Variants in GPC6 observed in about 807,000 individuals in gnomAD.
GPC6 encodes glypican-6.
In GPC6, 14 loss-of-function variants were observed where a neutral mutation model predicts 55.2. That is an observed-to-expected ratio of 0.25 (90% confidence interval 0.17 to 0.40). The LOEUF (loss-of-function observed/expected upper bound fraction) is 0.40. Among genes scored for constraint, GPC6 ranks in the 10% least tolerant of loss-of-function variants. GPC6 has a pLI of 1.00. For synonymous variants in GPC6, 278 were observed against 259.6 expected, an observed-to-expected ratio of 1.07 and a Z score of -0.68; for missense variants, 641 against 708.5, an observed-to-expected ratio of 0.90 and a Z score of 1.08.
intron 1 of GPC6, among the ~76,000 whole-genome samples, chr13:93,309,428 ATAT>A (rs150978592): frequency 0.22 from 33,041 of 151,858 alleles, 3,620 homozygotes; most frequent in East Asian, 0.28. Flanking sequence ...AGTGATTCTA[ATAT>A]TATTATATAT....
At chr13:94,050,375 C>T (rs974364973) in intron 4 of GPC6, among the ~76,000 whole-genome samples, 3 of 152,120 alleles carry the variant, frequency 2.0e-5, no homozygotes, top group South Asian at 2.1e-4. Flanking sequence ...ATTGTGAGAG[C>T]GTGGGTGTGT....
chr13:94,124,486 G>A (rs1886739519), intron 4 of GPC6, among the ~76,000 whole-genome samples: 1 of 152,076 alleles, frequency 6.6e-6, no homozygotes, highest in African/African-American at 2.4e-5. Flanking sequence ...ACAAATCAGA[G>A]AAGACTTTAT....
intron 2 of GPC6, among the ~76,000 whole-genome samples, chr13:93,644,160 T>C (rs919811966): frequency 3.9e-5 from 6 of 152,138 alleles, no homozygotes; most frequent in African/African-American, 1.2e-4. Context: ...AATTGGTATG[T>C]ACTTTATTTC....
chr13:94,177,833 T>G (rs969268971), intron 4 of GPC6, among the ~76,000 whole-genome samples: 5 of 152,142 alleles, frequency 3.3e-5, no homozygotes, highest in African/African-American at 1.2e-4. Context: ...ATAAACCACA[T>G]GACCAAGTAT....
chr13:93,496,235 T>A (rs986103862), intron 1 of GPC6, among the ~76,000 whole-genome samples: 5 of 152,002 alleles, frequency 3.3e-5, no homozygotes, highest in African/African-American at 1.2e-4. Context: ...GGTGCGCCGT[T>A]TTTTAAGCTG....
intron 2 of GPC6, among the ~76,000 whole-genome samples, chr13:93,709,737 C>CA (rs1421389630): frequency 6.6e-6 from 1 of 151,748 alleles, no homozygotes; most frequent in African/African-American, 2.4e-5. Flanking sequence ...GTTTACTCAA[C>CA]AGTGTTAAAG....
intron 5 of GPC6, among the ~76,000 whole-genome samples, chr13:94,288,282 T>C (rs1057087128): frequency 2.6e-5 from 4 of 152,278 alleles, no homozygotes; most frequent in Non-Finnish European, 5.9e-5. Context: ...TATATTTTTT[T>C]CAAGGAACCT....
chr13:93,869,203 G>A (rs1216254525), intron 3 of GPC6, among the ~76,000 whole-genome samples: 2 of 151,806 alleles, frequency 1.3e-5, no homozygotes. Context: ...GCCAGTCGAT[G>A]GTCTGATTCT....
chr13:93,286,199 G>A (rs967015671), intron 1 of GPC6, among the ~76,000 whole-genome samples: 6 of 152,120 alleles, frequency 3.9e-5, no homozygotes, highest in Non-Finnish European at 8.8e-5. Context: ...GAGAATGAGT[G>A]CCCAGTGAAG....
chr13:94,034,491 C>T (rs1883265883), intron 4 of GPC6, among the ~76,000 whole-genome samples: 1 of 152,064 alleles, frequency 6.6e-6, no homozygotes, highest in Non-Finnish European at 1.5e-5. Flanking sequence ...GAGGCAACAA[C>T]TCAAGGGATT....
chr13:94,326,468 A>C (rs1877121640), intron 6 of GPC6, among the ~76,000 whole-genome samples: 2 of 152,200 alleles, frequency 1.3e-5, no homozygotes, highest in South Asian at 4.1e-4. Context: ...GAAAAAAAGT[A>C]GAATCAGACT....
chr13:94,022,359 G>A (rs1056056461), intron 3 of GPC6, among the ~76,000 whole-genome samples: 1 of 151,776 alleles, frequency 6.6e-6, no homozygotes, highest in Non-Finnish European at 1.5e-5. Flanking sequence ...TCTGTGTCTG[G>A]CTTTTTTCAC....
rs1362149193 is a variant in GPC6, at chr13:93,445,765, T to G, written c.161-99498T>G. Among the ~76,000 whole-genome samples the G allele has an allele frequency of 1.3e-4, 20 of 152,326 alleles. 1 individual carries two copies. In the East Asian group the frequency reaches 3.3e-3, roughly 25 times the overall value. On this transcript the variant is annotated intron_variant, in intron 1 of 8. Coordinates refer to ENST00000377047, the MANE Select transcript of GPC6 (RefSeq NM_005708.5). ...GACACAGTGGGCTTTAAATAAATCC[T>G]TATTGAATGAATGAATGATGGAAAA...
intron 3 of GPC6, among the ~76,000 whole-genome samples, chr13:93,841,276 A>T: frequency 6.6e-6 from 1 of 152,172 alleles, no homozygotes; most frequent in Non-Finnish European, 1.5e-5. Flanking sequence ...GTGAAGCGGG[A>T]CTTATATAGG....
intron 1 of GPC6, among the ~76,000 whole-genome samples, chr13:93,361,054 G>C (rs1423074667): frequency 1.3e-5 from 2 of 152,046 alleles, no homozygotes; most frequent in Non-Finnish European, 2.9e-5. Flanking sequence ...ACCACCTCTT[G>C]CTTGGTGCTA....
At chr13:93,926,501 C>T (rs1555342337) in intron 3 of GPC6, among the ~76,000 whole-genome samples, 1 of 152,042 alleles carries the variant, frequency 6.6e-6, no homozygotes, top group Non-Finnish European at 1.5e-5. Flanking sequence ...TGTATTTTCC[C>T]ATATATATGG....
chr13:93,597,259 T>C (rs528954063), intron 2 of GPC6, among the ~76,000 whole-genome samples: 1 of 152,292 alleles, frequency 6.6e-6, no homozygotes, highest in Non-Finnish European at 1.5e-5. Flanking sequence ...CTAATCAAGT[T>C]GACACATCAC....
At chr13:93,577,696 C>T (rs1363019535) in intron 2 of GPC6, among the ~76,000 whole-genome samples, 3 of 151,800 alleles carry the variant, frequency 2.0e-5, no homozygotes, top group South Asian at 2.1e-4. Context: ...TCTGGATGCC[C>T]GTTATTTCTT....
chr13:93,247,100 A>T (rs1876629024), intron 1 of GPC6, among the ~76,000 whole-genome samples: 1 of 152,084 alleles, frequency 6.6e-6, no homozygotes, highest in African/African-American at 2.4e-5. Flanking sequence ...AACTTGCAAC[A>T]AAAACCATTC....
Sources: allele counts gnomAD v4.1 joint callset (sites outside exome capture counted in the v4.1 genomes callset), GRCh38; gene constraint gnomAD v4.1.1; transcripts MANE v1.5; gene names NCBI Gene and HGNC (gene_info 2026-07-23, HGNC 2026-07-21).